The following ZNF521 variants were observed in gnomAD, a reference collection of about 807,000 sequenced individuals.
ZNF521 encodes zinc finger protein 521, also known as LYST-interacting protein 3.
In ZNF521, 14 loss-of-function variants were observed where a neutral mutation model predicts 105.5. The ratio of observed to expected loss-of-function variants is 0.13; its 90% CI spans 0.09 to 0.21. ZNF521 has a LOEUF of 0.21. Among genes scored for constraint, ZNF521 ranks in the 10% least tolerant of loss-of-function variants. The probability of loss-of-function intolerance (pLI) is 1.00; values close to 1 mark genes in which losing one functional copy is unlikely to be tolerated. For missense variants in ZNF521, 1,233 were observed against 1,629.7 expected, an observed-to-expected ratio of 0.76 and a Z score of 4.19; for synonymous variants, 635 against 606.0, an observed-to-expected ratio of 1.05 and a Z score of -0.70.
At chr18:25,242,970 G>GGTAT (rs1352954215) in intron 3 of ZNF521, among the ~76,000 whole-genome samples, 2 of 152,132 alleles carry the variant, frequency 1.3e-5, no homozygotes, top group African/African-American at 4.8e-5. Context: ...ATCAGCTGTT[G>GGTAT]GTATAATCAT....
chr18:25,165,743 T>C (rs890445946), intron 5 of ZNF521, among the ~76,000 whole-genome samples: 5 of 152,248 alleles, frequency 3.3e-5, no homozygotes, highest in Admixed American at 3.3e-4. Flanking sequence ...TTGGATTCTT[T>C]CTTTGAAAAC....
intron 5 of ZNF521, among the ~76,000 whole-genome samples, chr18:25,186,816 A>G (rs1253541238): frequency 2.0e-5 from 3 of 151,742 alleles, no homozygotes; most frequent in Non-Finnish European, 4.4e-5. Context: ...TGAACACTCC[A>G]TGGTACTAGG....
At chr18:25,124,071 TA>T in intron 5 of ZNF521, among the ~76,000 whole-genome samples, 1 of 152,258 alleles carries the variant, frequency 6.6e-6, no homozygotes, top group African/African-American at 2.4e-5. Flanking sequence ...ATGGAACATT[TA>T]TGGATCTCAG....
At chr18:25,113,761 G>GACGGACAC (rs35914509) in intron 5 of ZNF521, among the ~76,000 whole-genome samples, 44 of 101,650 alleles carry the variant, frequency 4.3e-4, no homozygotes, top group South Asian at 1.4e-3. Context: ...AGGACGGACG[G>GACGGACAC]ACACACACAC....
intron 3 of ZNF521, among the ~76,000 whole-genome samples, chr18:25,292,434 C>T (rs923104295): frequency 4.6e-5 from 7 of 152,128 alleles, no homozygotes; most frequent in African/African-American, 1.7e-4. Context: ...AGGGCATTTC[C>T]AACAAATTCT....
chr18:25,070,699 C>T (rs1034190543), intron 7 of ZNF521, among the ~76,000 whole-genome samples: 1 of 151,944 alleles, frequency 6.6e-6, no homozygotes, highest in African/African-American at 2.4e-5. Context: ...TGCCAACATG[C>T]TAGTGGCATC....
chr18:25,109,364 C>A (rs2144291163), intron 5 of ZNF521, among the ~76,000 whole-genome samples: 1 of 152,276 alleles, frequency 6.6e-6, no homozygotes, highest in Non-Finnish European at 1.5e-5. Flanking sequence ...CATTGATGGG[C>A]ATTTAGGTTG....
chr18:25,077,982 C>T (rs548824095), intron 7 of ZNF521, among the ~76,000 whole-genome samples: 1 of 152,276 alleles, frequency 6.6e-6, no homozygotes, highest in South Asian at 2.1e-4. Context: ...GACAGTTTCT[C>T]ATAAAATATC....
chr18:25,308,659 C>CA (rs1568069919), intron 3 of ZNF521, among the ~76,000 whole-genome samples: 8 of 144,998 alleles, frequency 5.5e-5, no homozygotes, highest in South Asian at 2.3e-4. Flanking sequence ...TCCCCCCCCC[C>CA]CCACCCGCCA....
At chr18:25,309,822 A>C (rs191416899) in intron 3 of ZNF521, among the ~76,000 whole-genome samples, 31 of 152,334 alleles carry the variant, frequency 2.0e-4, no homozygotes, top group African/African-American at 7.5e-4. Flanking sequence ...CTGAGTAATA[A>C]AAATATACAC....
intron 3 of ZNF521, among the ~76,000 whole-genome samples, chr18:25,280,292 T>C (rs1910282693): frequency 6.6e-6 from 1 of 152,184 alleles, no homozygotes; most frequent in Non-Finnish European, 1.5e-5. Flanking sequence ...CATGTGAAGG[T>C]GAAATGCCCA....
chr18:25,219,739 C>T (rs1369495279), intron 4 of ZNF521, among the ~76,000 whole-genome samples: 1 of 152,032 alleles, frequency 6.6e-6, no homozygotes, highest in African/African-American at 2.4e-5. Context: ...ATCACCTGAG[C>T]CTGGGAGGTT....
intron 7 of ZNF521, among the ~76,000 whole-genome samples, chr18:25,068,606 T>C (rs2033134653): frequency 6.6e-6 from 1 of 152,156 alleles, no homozygotes; most frequent in African/African-American, 2.4e-5. Flanking sequence ...ACCCCTGTGC[T>C]CGGGCATATA....
At chr18:25,164,262 C>A (rs2035299279) in intron 5 of ZNF521, among the ~76,000 whole-genome samples, 1 of 152,186 alleles carries the variant, frequency 6.6e-6, no homozygotes, top group Non-Finnish European at 1.5e-5. Context: ...AGTGGGTTAA[C>A]TTGCTTTCTG....
intron 5 of ZNF521, among the ~76,000 whole-genome samples, chr18:25,121,986 A>G (rs1234512435): frequency 1.3e-5 from 2 of 152,214 alleles, no homozygotes; most frequent in African/African-American, 2.4e-5. Context: ...CAAAAAATCA[A>G]TCAATATTAA....
intron 5 of ZNF521, among the ~76,000 whole-genome samples, chr18:25,191,884 A>G (rs753172165): frequency 2.0e-5 from 3 of 152,198 alleles, no homozygotes; most frequent in Admixed American, 2.0e-4. Context: ...GAAAATAACA[A>G]TAAATATTTA....
At chr18:25,297,439 G>A (rs557375077) in intron 3 of ZNF521, among the ~76,000 whole-genome samples, 3 of 152,084 alleles carry the variant, frequency 2.0e-5, no homozygotes, top group African/African-American at 7.2e-5. Flanking sequence ...TTTCTTATTT[G>A]TGTATTTAGT....
chr18:25,094,685 T>C (rs2033816277), intron 5 of ZNF521, among the ~76,000 whole-genome samples: 1 of 152,114 alleles, frequency 6.6e-6, no homozygotes, highest in African/African-American at 2.4e-5. Context: ...GGAGAGAAAA[T>C]ATATATGAAT....
chr18:25,346,280 C>T (rs954148666), intron 2 of ZNF521, among the ~76,000 whole-genome samples: 5 of 151,086 alleles, frequency 3.3e-5, no homozygotes, highest in African/African-American at 1.2e-4. Context: ...ATAAGAGAAA[C>T]ACTTTTTTTT....
Sources: allele counts gnomAD v4.1 joint callset (sites outside exome capture counted in the v4.1 genomes callset), GRCh38; gene constraint gnomAD v4.1.1; transcripts MANE v1.5; gene names NCBI Gene and HGNC (gene_info 2026-07-23, HGNC 2026-07-21).